PEX7: variants seen among roughly 807,000 people sequenced by gnomAD.
The protein encoded by PEX7 is peroxisomal biogenesis factor 7.
A neutral mutation model predicts 47.5 loss-of-function variants in PEX7; 34 were observed. That is an observed-to-expected ratio of 0.72 (90% CI 0.54 to 0.95). PEX7 has a LOEUF of 0.95. PEX7 is among the 40% of genes least tolerant of loss of function. The pLI, the probability that PEX7 is intolerant of heterozygous loss-of-function variation, is 0.00. For synonymous variants in PEX7, 141 were observed against 148.8 expected (o/e 0.95, Z 0.38); for missense variants, 394 against 400.3 (o/e 0.98, Z 0.13).
chr6:136,850,917 GTT>G (rs35220728), intron 5 of PEX7, among the ~76,000 whole-genome samples: 21,860 of 68,142 alleles, frequency 0.32, 2,110 homozygotes, highest in South Asian at 0.42. Flanking sequence ...AAAACTGATG[GTT>G]TTTTTTTTTT....
In PEX7 at chr6:136,900,467, C is replaced by G; in HGVS notation, c.903+2226C>G. On this transcript the variant is annotated intron_variant, in intron 9 of 9. Transcript: ENST00000318471. This position sits in a 1 kb window ranked among gnomAD's most constrained non-coding sequence, Gnocchi z 4.2. The stretch of plus-strand genomic sequence containing the variant: ...GACTTGGGACCAAGGACATTGCCCC[C>G]CCAGTGACAGCAGATCTCATCGTGT... 1 of 461,842 alleles carries G rather than the reference C, an allele frequency of 2.2e-6. No homozygotes were observed. The highest frequency in any genetic ancestry group is 4.3e-6 in the Non-Finnish European group (1 of 232,504). 28.6% of individuals were successfully genotyped at this position (461,842 alleles called of 1,614,324 possible).
At chr6:136,906,193 C>T (rs1020492136) in intron 9 of PEX7, among the ~76,000 whole-genome samples, 11 of 152,046 alleles carry the variant, frequency 7.2e-5, no homozygotes, top group African/African-American at 2.4e-4. Context: ...GCCACCATCA[C>T]CACTGTAAAT....
intron 9 of PEX7, among the ~76,000 whole-genome samples, chr6:136,906,291 T>G (rs1292724972): frequency 4.6e-5 from 7 of 152,246 alleles, no homozygotes; most frequent in African/African-American, 1.7e-4. Flanking sequence ...CATTTTATTG[T>G]CATTTGTAAT....
rs1021359482 is a variant in PEX7, at chr6:136,823,376, G to T, written c.130+581G>T. 7 of 983,112 alleles carry T rather than the reference G, an allele frequency of 7.1e-6. No individual in the cohort carries two copies. In the African/African-American group the frequency reaches 1.0e-4, roughly 15 times the overall value. The allele number at this position is 983,112 out of a possible 1,614,324, so 60.9% of individuals were successfully genotyped here. Reference sequence around the variant, plus strand: ...TGTCTAACGAGGAATGCACACATTCGCAAGTAGGTGTTACAGACTCCAGTT... The same window carrying T: ...TGTCTAACGAGGAATGCACACATTCTCAAGTAGGTGTTACAGACTCCAGTT... On this transcript the variant is annotated intron_variant, in intron 1 of 9. Coordinates refer to ENST00000318471, the MANE Select transcript of PEX7 (RefSeq NM_000288.4).
chr6:136,853,209 G>A (rs1227757200), intron 5 of PEX7, among the ~76,000 whole-genome samples: 8 of 152,230 alleles, frequency 5.3e-5, no homozygotes, highest in Admixed American at 5.2e-4. Flanking sequence ...CAGTGGTGGA[G>A]TTGAGTAGTT....
chr6:136,867,798 CAAA>C (rs535561957), intron 6 of PEX7, among the ~76,000 whole-genome samples: 148 of 131,256 alleles, frequency 1.1e-3, no homozygotes, highest in African/African-American at 3.9e-3. Context: ...ACAACAACAA[CAAA>C]AAACTTTAAA....
chr6:136,887,317 A>G (rs1186290366), intron 8 of PEX7, among the ~76,000 whole-genome samples: 2 of 152,142 alleles, frequency 1.3e-5, no homozygotes, highest in East Asian at 3.8e-4. Context: ...AAAGTGACTT[A>G]ACCTCCCTGA....
At chr6:136,830,125 C>T (rs1774268177) in intron 3 of PEX7, 1 of 678,462 alleles carries the variant, frequency 1.5e-6, no homozygotes. Context: ...GGATTTGAAT[C>T]CCAGCTTTGT....
intron 3 of PEX7, among the ~76,000 whole-genome samples, chr6:136,832,382 C>T (rs1774310811): frequency 6.6e-6 from 1 of 152,206 alleles, no homozygotes; most frequent in South Asian, 2.1e-4. Flanking sequence ...TTTTTCCCTC[C>T]TAGGCCGCTG....
At chr6:136,852,563 G>T (rs573578971) in intron 5 of PEX7, among the ~76,000 whole-genome samples, 59 of 18,720 alleles carry the variant, frequency 3.2e-3, no homozygotes, top group African/African-American at 0.013. Context: ...ATTCACAATT[G>T]CTTCAAAGAG....
At position 136,913,751 on chromosome 6, in the gene PEX7, TTATGA is replaced by T. The variant is rs1775972329; in HGVS notation, c.*229_*233del. The stretch of plus-strand genomic sequence containing the variant: ...TTAAAATTCTAAGAAATAATTAATG[TTATGA>T]TATATCTTGTAGTATCTATTAAAAT... On this transcript the variant is annotated 3_prime_UTR_variant, in exon 10 of 10. Coordinates refer to ENST00000318471, the MANE Select transcript of PEX7 (RefSeq NM_000288.4). 4 of 543,358 alleles carry T rather than the reference TTATGA, an allele frequency of 7.4e-6. No homozygotes were observed. The highest frequency in any genetic ancestry group is 4.3e-5 in the South Asian group (2 of 46,328). The allele number at this position is 543,358 out of a possible 1,614,324, so 33.7% of individuals were successfully genotyped here. A position where few individuals can be genotyped will look rare whatever the true frequency, so the allele number is the denominator to read the frequency against.
intron 3 of PEX7, among the ~76,000 whole-genome samples, chr6:136,840,286 C>G (rs1774471411): frequency 6.6e-6 from 1 of 152,208 alleles, no homozygotes; most frequent in African/African-American, 2.4e-5. Flanking sequence ...CTTACCCTTT[C>G]TAGTCTTATC....
chr6:136,868,556 T>C (rs1481868331), intron 6 of PEX7, among the ~76,000 whole-genome samples: 1 of 152,120 alleles, frequency 6.6e-6, no homozygotes, highest in Non-Finnish European at 1.5e-5. Flanking sequence ...GTTAGATGTT[T>C]GGGAACTCTA....
chr6:136,873,575 A>G (rs1204035437), intron 8 of PEX7, among the ~76,000 whole-genome samples: 1 of 152,138 alleles, frequency 6.6e-6, no homozygotes, highest in African/African-American at 2.4e-5. Context: ...TCACCTGCAA[A>G]TAAAGGTGGT....
intron 8 of PEX7, among the ~76,000 whole-genome samples, chr6:136,893,886 T>A (rs1445619419): frequency 6.6e-6 from 1 of 152,224 alleles, no homozygotes; most frequent in African/African-American, 2.4e-5. Context: ...AGAAAGAACT[T>A]TAAAAAAATA....
rs781249811 is a variant in PEX7 at position 136,825,295 on chromosome 6, G to A, written c.188+24G>A. ...AGGTAAGGGGGCTGAAATTATTAAA[G>A]GTATATATTGTTGCTATTAAAGCCT... On this transcript the variant is annotated intron_variant, in intron 2 of 9. Coordinates refer to ENST00000318471, the MANE Select transcript of PEX7 (RefSeq NM_000288.4). 8 of 1,568,896 alleles carry A rather than the reference G, an allele frequency of 5.1e-6. No homozygotes were observed. The Middle Eastern group carries it at 5.0e-4, about 98-fold the overall frequency.
intron 2 of PEX7, among the ~76,000 whole-genome samples, chr6:136,825,830 G>A (rs1224778540): frequency 6.6e-6 from 1 of 152,100 alleles, no homozygotes; most frequent in East Asian, 1.9e-4. Context: ...ACTGGGCCCA[G>A]CCTAAAAATT....
chr6:136,845,735 C>A, intron 4 of PEX7, 43 bp downstream of exon 4: 1 of 1,151,342 alleles, frequency 8.7e-7, no homozygotes, highest in South Asian at 1.2e-5. Flanking sequence ...ATTCCCTTCT[C>A]TAGAGCTTCC....
chr6:136,822,628 C>T lies in PEX7; in HGVS notation c.-38C>T, dbSNP rs1430662274. ...TGTGCCTCCGACTCGGAACGGCTTC[C>T]GCGGCCGGGGCAGCGAGGGCCGGGG... On this transcript the variant is annotated 5_prime_UTR_variant, in exon 1 of 10. Coordinates refer to ENST00000318471, the MANE Select transcript of PEX7 (RefSeq NM_000288.4). 4 of 1,518,088 alleles carry T rather than the reference C, an allele frequency of 2.6e-6. No homozygotes were observed. The East Asian group carries it at 7.5e-5, about 28-fold the overall frequency. 94.0% of individuals were successfully genotyped at this position (1,518,088 alleles called of 1,614,324 possible).
Sources: gnomAD v4.1 joint callset for allele counts (sites outside exome capture counted in the v4.1 genomes callset) on GRCh38, gnomAD v4.1.1 for gene constraint, Gnocchi (gnomAD v3.1) non-coding constraint, MANE v1.5 for transcripts, NCBI Gene and HGNC (gene_info 2026-07-23, HGNC 2026-07-21) for gene names.